Variants in DAB1 observed in about 807,000 individuals in gnomAD.
DAB1 encodes the protein DAB adaptor protein 1.
DAB1 carries 15 observed loss-of-function variants against 64.6 expected under a neutral mutation model. The observed-to-expected ratio is 0.23, with a 90% confidence interval of 0.16 to 0.36. DAB1 has a LOEUF of 0.36. DAB1 is among the 10% of genes least tolerant of loss of function. DAB1 has a pLI of 1.00. For synonymous variants in DAB1, 235 were observed against 251.9 expected (o/e 0.93, Z 0.64); for missense variants, 596 against 706.7 (o/e 0.84, Z 1.78).
chr1:58,067,253 G>A (rs773264659), intron 5 of DAB1, among the ~76,000 whole-genome samples: 10 of 152,164 alleles, frequency 6.6e-5, no homozygotes, highest in African/African-American at 1.9e-4. Flanking sequence ...TAACTATGAC[G>A]AGGAGAGGGA....
Position 57,047,868 on chromosome 1 carries a change from C to G in DAB1, c.723+15016G>C, listed in dbSNP as rs115361540. ...GCTCTATACACCAGTCTTCCTTCCT[C>G]CAGTAGACTAAAACCATCTTCGTCG... On this transcript the variant is annotated intron_variant, in intron 9 of 14. Transcript: ENST00000371236. Among the ~76,000 whole-genome samples the G allele has an allele frequency of 9.0e-3, 1,373 of 152,260 alleles. 24 individuals carry two copies. Among genetic ancestry groups the G allele is most frequent in the African/African-American group, 0.032 (1,310 of 41,552 alleles).
intron 1 of DAB1, among the ~76,000 whole-genome samples, chr1:57,836,483 A>G (rs1652814188): frequency 6.6e-6 from 1 of 151,880 alleles, no homozygotes; most frequent in South Asian, 2.1e-4. Context: ...GCCTCCACTC[A>G]CTCTGGTTCA....
chr1:58,193,119 G>A (rs1428141484), intron 4 of DAB1, among the ~76,000 whole-genome samples: 1 of 152,182 alleles, frequency 6.6e-6, no homozygotes, highest in Non-Finnish European at 1.5e-5. Context: ...TAATGGGAGG[G>A]TATTTGGGTC....
At chr1:57,759,791 C>T (rs1434715469) in intron 6 of DAB1, among the ~76,000 whole-genome samples, 1 of 152,034 alleles carries the variant, frequency 6.6e-6, no homozygotes, top group African/African-American at 2.4e-5. Context: ...GGACATTGAC[C>T]ATGGTGGCGG....
At chr1:57,278,343 T>C (rs1671633558) in intron 2 of DAB1, among the ~76,000 whole-genome samples, 1 of 152,222 alleles carries the variant, frequency 6.6e-6, no homozygotes, top group African/African-American at 2.4e-5. Context: ...AGTCACATCA[T>C]TAATATCATT....
In DAB1 at chr1:57,922,990, G is replaced by A. The variant is rs1644831875; in HGVS notation, n.388-38828C>T. ...TTTCTTCCTCCCTCCCTCCCTCCCTGCCTCCTCCTTTTCCTTCCTTCCTTC... is the reference window on the plus strand; with the variant it reads ...TTTCTTCCTCCCTCCCTCCCTCCCTACCTCCTCCTTTTCCTTCCTTCCTTC... On this transcript the variant is annotated intron_variant and non_coding_transcript_variant, in intron 5 of 20. Transcript: ENST00000485760. Among the ~76,000 whole-genome samples, 4 of 126,642 alleles carry A rather than the reference G, an allele frequency of 3.2e-5. No individual in the cohort carries two copies. In the South Asian group the frequency reaches 9.9e-4, roughly 31 times the overall value. 83.1% of individuals were successfully genotyped at this position (126,642 alleles called of 152,430 possible). A position where few individuals can be genotyped will look rare whatever the true frequency, so the allele number is the denominator to read the frequency against.
chr1:57,965,112 A>T (rs1432553405), intron 5 of DAB1, among the ~76,000 whole-genome samples: 2 of 152,238 alleles, frequency 1.3e-5, no homozygotes, highest in Non-Finnish European at 2.9e-5. Context: ...CACAATAGAC[A>T]GCGTGAGTAG....
At chr1:57,917,039 C>A (rs999087270) in intron 5 of DAB1, among the ~76,000 whole-genome samples, 1 of 152,172 alleles carries the variant, frequency 6.6e-6, no homozygotes, top group African/African-American at 2.4e-5. Context: ...CTCCACAGTT[C>A]CCATGTGAAC....
At chr1:57,916,306 C>T (rs1644726460) in intron 5 of DAB1, among the ~76,000 whole-genome samples, 1 of 152,142 alleles carries the variant, frequency 6.6e-6, no homozygotes, top group Admixed American at 6.5e-5. Context: ...ACTTGTCAGC[C>T]ATGCCTTCAC....
intron 6 of DAB1, among the ~76,000 whole-genome samples, chr1:57,759,138 ATAGT>A (rs547372321): frequency 1.3e-5 from 2 of 152,158 alleles, no homozygotes; most frequent in South Asian, 4.1e-4. Flanking sequence ...CAGGAAAATG[ATAGT>A]TATAGACAAG....
At chr1:57,700,334 A>T (rs144748118) in intron 6 of DAB1, among the ~76,000 whole-genome samples, 1 of 152,338 alleles carries the variant, frequency 6.6e-6, no homozygotes, top group East Asian at 1.9e-4. Context: ...GGTAACAATC[A>T]TTGTATGTGT....
At chr1:57,902,425 G>A (rs1275252624) in intron 5 of DAB1, among the ~76,000 whole-genome samples, 1 of 148,632 alleles carries the variant, frequency 6.7e-6, no homozygotes. Context: ...ACAATACTAC[G>A]ATCTCACTTG....
At chr1:58,274,551 G>A (rs1279611161) in intron 4 of DAB1, among the ~76,000 whole-genome samples, 4 of 142,156 alleles carry the variant, frequency 2.8e-5, no homozygotes, top group Non-Finnish European at 6.1e-5. Context: ...GAGCTTCCTG[G>A]CTGCTTTGTT....
chr1:58,320,179 C>T (rs560556791), intron 4 of DAB1, among the ~76,000 whole-genome samples: 92 of 152,248 alleles, frequency 6.0e-4, no homozygotes, highest in African/African-American at 2.2e-3. Flanking sequence ...ATGAAATGTG[C>T]CCTGATAGAG....
At chr1:58,433,594 AGAGTGTGT>A (rs1258927768) in intron 3 of DAB1, among the ~76,000 whole-genome samples, 4 of 91,332 alleles carry the variant, frequency 4.4e-5, no homozygotes, top group African/African-American at 2.0e-4. Context: ...AGAGAGAGAG[AGAGTGTGT>A]GTGTGTGTGT....
chr1:58,076,066 G>A (rs757564643), intron 5 of DAB1, among the ~76,000 whole-genome samples: 6 of 151,894 alleles, frequency 4.0e-5, no homozygotes, highest in Admixed American at 1.3e-4. Context: ...AATCAAATAC[G>A]GCCAAGGGAT....
At chr1:58,055,668 C>T (rs12117183) in intron 5 of DAB1, among the ~76,000 whole-genome samples, 75,414 of 152,012 alleles carry the variant, frequency 0.5, 20,858 homozygotes, top group Non-Finnish European at 0.63. Context: ...GACTAATGTA[C>T]GCATAAATCT....
intron 1 of DAB1, among the ~76,000 whole-genome samples, chr1:57,842,656 C>A (rs56016455): frequency 6.6e-6 from 1 of 151,982 alleles, no homozygotes; most frequent in Non-Finnish European, 1.5e-5. Flanking sequence ...AGAGGGCAAG[C>A]AAGGGGGGGA....
chr1:57,862,004 T>C (rs1230012993), intron 1 of DAB1, among the ~76,000 whole-genome samples: 3 of 152,162 alleles, frequency 2.0e-5, no homozygotes, highest in Non-Finnish European at 4.4e-5. Context: ...GCAACTTCTA[T>C]GGGTGCCCAT....
Sources: gnomAD v4.1 joint callset for allele counts (sites outside exome capture counted in the v4.1 genomes callset) on GRCh38, gnomAD v4.1.1 for gene constraint, MANE v1.5 for transcripts, NCBI Gene and HGNC (gene_info 2026-07-23, HGNC 2026-07-21) for gene names.